Variants in FOXP2 observed in about 807,000 individuals in gnomAD.
The protein encoded by FOXP2 is forkhead box protein P2.
A neutral mutation model predicts 115.8 loss-of-function variants in FOXP2; 12 were observed. The observed-to-expected ratio is 0.10, with a 90% CI of 0.07 to 0.17. The LOEUF (loss-of-function observed/expected upper bound fraction) is 0.17. FOXP2 is among the 10% of genes least tolerant of loss of function. FOXP2 has a pLI of 1.00. For missense variants in FOXP2, 629 were observed against 843.5 expected (o/e 0.75, Z 3.15); for synonymous variants, 328 against 297.7 (o/e 1.10, Z -1.05).
intron 2 of FOXP2, among the ~76,000 whole-genome samples, chr7:114,327,167 T>C (rs1328763226): frequency 6.6e-6 from 1 of 152,232 alleles, no homozygotes; most frequent in Admixed American, 6.5e-5. Context: ...TATATTTGTA[T>C]GATTACTAAT....
At position 114,210,115 on chromosome 7, in the gene FOXP2, G is replaced by T. The variant is rs556569405; in HGVS notation, c.-102+47027G>T. On this transcript the variant is annotated intron_variant, in intron 1 of 17. Transcript: ENST00000634411. ...GTAAAGTTTGTTATTAGCCACCTTA[G>T]CAAGCCTACTTCTGTCAATTCATCC... Among the ~76,000 whole-genome samples, 247 of 152,278 alleles carry T rather than the reference G, an allele frequency of 1.6e-3. 2 individuals carry two copies. The highest frequency in any genetic ancestry group is 5.8e-3 in the African/African-American group (243 of 41,546).
intron 1 of FOXP2, among the ~76,000 whole-genome samples, chr7:114,203,579 A>C (rs982228869): frequency 3.9e-5 from 6 of 152,104 alleles, no homozygotes; most frequent in Non-Finnish European, 8.8e-5. Flanking sequence ...CCTGGGCTCA[A>C]GTGATCCTCC....
chr7:114,353,257 G>A (rs1791536629), intron 2 of FOXP2, among the ~76,000 whole-genome samples: 1 of 150,710 alleles, frequency 6.6e-6, no homozygotes. Flanking sequence ...TCTTCTCCAG[G>A]GCTCCCTTTT....
intron 1 of FOXP2, among the ~76,000 whole-genome samples, chr7:114,207,969 T>C (rs1189586959): frequency 1.3e-5 from 2 of 152,216 alleles, no homozygotes; most frequent in Non-Finnish European, 2.9e-5. Context: ...AAGACCAGCC[T>C]GGACAACATG....
At chr7:114,170,803 G>A (rs994685085) in intron 1 of FOXP2, among the ~76,000 whole-genome samples, 4 of 152,200 alleles carry the variant, frequency 2.6e-5, no homozygotes, top group Non-Finnish European at 4.4e-5. Context: ...GAGGTTAAAG[G>A]AAATAAGCCA....
chr7:114,354,894 G>A (rs1274021532), intron 2 of FOXP2, among the ~76,000 whole-genome samples: 4 of 152,108 alleles, frequency 2.6e-5, no homozygotes, highest in African/African-American at 7.2e-5. Flanking sequence ...CCACTTTGAT[G>A]TACACATTTA....
intron 1 of FOXP2, among the ~76,000 whole-genome samples, chr7:114,092,997 GCTT>G (rs1182851046): frequency 6.6e-6 from 1 of 152,110 alleles, no homozygotes; most frequent in African/African-American, 2.4e-5. Flanking sequence ...AGTTGATCCT[GCTT>G]CTTCTCCCTC....
intron 3 of FOXP2, among the ~76,000 whole-genome samples, chr7:114,560,790 A>T (rs1800722632): frequency 6.6e-6 from 1 of 152,216 alleles, no homozygotes. Flanking sequence ...TTAACATTTA[A>T]TCCTAATTTT....
intron 14 of FOXP2, among the ~76,000 whole-genome samples, chr7:114,663,054 G>A (rs1806960842): frequency 1.3e-5 from 2 of 152,070 alleles, no homozygotes; most frequent in Non-Finnish European, 2.9e-5. Flanking sequence ...AATTCATGGT[G>A]TTCTAGAAAT....
intron 3 of FOXP2, among the ~76,000 whole-genome samples, chr7:114,610,215 G>A (rs1232309255): frequency 6.6e-6 from 1 of 152,176 alleles, no homozygotes; most frequent in Non-Finnish European, 1.5e-5. Flanking sequence ...CTGTGTTGTT[G>A]GGAGACTTAG....
At chr7:114,203,472 A>G (rs1405098234) in intron 1 of FOXP2, among the ~76,000 whole-genome samples, 1 of 152,120 alleles carries the variant, frequency 6.6e-6, no homozygotes, top group Non-Finnish European at 1.5e-5. Context: ...AGCTAGGACT[A>G]CAAGTGTGCG....
intron 2 of FOXP2, among the ~76,000 whole-genome samples, chr7:114,404,688 C>T (rs1015600989): frequency 1.3e-5 from 2 of 151,896 alleles, no homozygotes; most frequent in Non-Finnish European, 2.9e-5. Context: ...TTTATATCTG[C>T]TTTGATTTTT....
intron 1 of FOXP2, among the ~76,000 whole-genome samples, chr7:114,132,387 A>G (rs1443654161): frequency 6.6e-6 from 1 of 152,122 alleles, no homozygotes; most frequent in Non-Finnish European, 1.5e-5. Flanking sequence ...GATTCTAGGC[A>G]TTGAAGATAC....
At chr7:114,430,291 A>G (rs979415006) in intron 2 of FOXP2, among the ~76,000 whole-genome samples, 4 of 151,782 alleles carry the variant, frequency 2.6e-5, no homozygotes, top group Admixed American at 2.0e-4. Context: ...GAAATTACAA[A>G]CGCACTTTTC....
chr7:114,621,172 T>G (rs1804231263), intron 3 of FOXP2, among the ~76,000 whole-genome samples: 1 of 152,088 alleles, frequency 6.6e-6, no homozygotes, highest in East Asian at 1.9e-4. Flanking sequence ...AGTAATAGAA[T>G]TTGCTTTGGT....
At chr7:114,503,578 T>A (rs1264890747) in intron 2 of FOXP2, among the ~76,000 whole-genome samples, 1 of 151,022 alleles carries the variant, frequency 6.6e-6, no homozygotes, top group African/African-American at 2.4e-5. Context: ...TTCATTCTTG[T>A]TTTAATATAA....
At chr7:114,229,137 G>A (rs1217936676) in intron 1 of FOXP2, among the ~76,000 whole-genome samples, 1 of 150,790 alleles carries the variant, frequency 6.6e-6, no homozygotes, top group East Asian at 1.9e-4. Context: ...AAGTCAAGCT[G>A]TCATAGAAAA....
intron 1 of FOXP2, among the ~76,000 whole-genome samples, chr7:114,202,779 T>C (rs1794101687): frequency 1.3e-5 from 2 of 152,178 alleles, no homozygotes; most frequent in African/African-American, 4.8e-5. Context: ...TTTTGAGGAT[T>C]AAATGAGACA....
chr7:114,645,129 AATATATATATATATAT>A (rs60674425), intron 8 of FOXP2: 554 of 32,662 alleles, frequency 0.017, 20 homozygotes, highest in African/African-American at 0.037. Context: ...GAGTCATCCT[AATATATATATATATAT>A]ATATATATAT....
Sources: allele counts gnomAD v4.1 joint callset (sites outside exome capture counted in the v4.1 genomes callset), GRCh38; gene constraint gnomAD v4.1.1; transcripts MANE v1.5; gene names NCBI Gene and HGNC (gene_info 2026-07-23, HGNC 2026-07-21).